DENND5B: variants seen among roughly 807,000 people sequenced by gnomAD.
DENND5B encodes DENN domain containing 5B.
Under a neutral mutation model 140.6 loss-of-function variants are expected in DENND5B, and 34 were observed. The observed-to-expected ratio is 0.24, with a 90% confidence interval of 0.18 to 0.32. DENND5B has a LOEUF of 0.32. Among genes scored for constraint, DENND5B ranks in the 10% least tolerant of loss-of-function variants. The pLI is 1.00. For synonymous variants in DENND5B, 551 were observed against 562.1 expected (o/e 0.98, Z 0.28); for missense variants, 1,142 against 1,560.2 (o/e 0.73, Z 4.52).
intron 1 of DENND5B, among the ~76,000 whole-genome samples, chr12:31,565,186 C>T (rs1339495871): frequency 6.6e-6 from 1 of 151,898 alleles, no homozygotes; most frequent in Non-Finnish European, 1.5e-5. Flanking sequence ...GCAGGTGGCT[C>T]ACTTGAGACC....
intron 3 of DENND5B, among the ~76,000 whole-genome samples, chr12:31,475,080 T>A (rs991989843): frequency 2.0e-5 from 3 of 152,170 alleles, no homozygotes; most frequent in Admixed American, 2.0e-4. Flanking sequence ...TTGGGCAGAT[T>A]ACTTAGTTTC....
intron 13 of DENND5B, among the ~76,000 whole-genome samples, chr12:31,412,168 G>A (rs919072091): frequency 2.6e-5 from 4 of 151,972 alleles, no homozygotes; most frequent in East Asian, 3.9e-4. Flanking sequence ...GGCTGGTCTC[G>A]AACTCCTGAC....
At chr12:31,460,655 T>C (rs950691439) in intron 3 of DENND5B, among the ~76,000 whole-genome samples, 2 of 152,190 alleles carry the variant, frequency 1.3e-5, no homozygotes, top group Non-Finnish European at 2.9e-5. Flanking sequence ...TCTCTTAAAG[T>C]GTGGAGGAAT....
At chr12:31,546,098 T>C (rs1244287315) in intron 1 of DENND5B, among the ~76,000 whole-genome samples, 1 of 152,134 alleles carries the variant, frequency 6.6e-6, no homozygotes, top group Non-Finnish European at 1.5e-5. Context: ...CTTTGCTTTC[T>C]AGTTTTAATA....
intron 2 of DENND5B, among the ~76,000 whole-genome samples, chr12:31,485,152 C>T (rs1057374507): frequency 4.6e-5 from 7 of 152,302 alleles, no homozygotes; most frequent in Admixed American, 3.9e-4. Context: ...AAGCCTGCAG[C>T]GGGCACTGGT....
At position 31,548,787 on chromosome 12, in the gene DENND5B, C is replaced by G. The variant is rs2139223682; in HGVS notation, c.127+41919G>C. On this transcript the variant is annotated intron_variant, in intron 1 of 20. Transcript: ENST00000389082. The stretch of plus-strand genomic sequence containing the variant: ...AATTAATTAATGGCTATGTATTTTT[C>G]TAAGGTCAGAACTACAGTCCCCATA... 2.0e-5 allele frequency among the ~76,000 whole-genome samples: 3 copies of G among 152,232 alleles called. No individual in the cohort carries two copies. The South Asian group carries it at 6.2e-4, about 32-fold the overall frequency.
At chr12:31,499,190 C>T (rs1007515692) in intron 1 of DENND5B, among the ~76,000 whole-genome samples, 1 of 151,954 alleles carries the variant, frequency 6.6e-6, no homozygotes, top group African/African-American at 2.4e-5. Context: ...TTTGGATTCC[C>T]AGGAAATGAA....
chr12:31,570,663 G>A (rs146812720), intron 1 of DENND5B, among the ~76,000 whole-genome samples: 3 of 149,178 alleles, frequency 2.0e-5, no homozygotes, highest in African/African-American at 7.4e-5. Flanking sequence ...AATTTTTTTT[G>A]GCACTGTCAT....
intron 8 of DENND5B, among the ~76,000 whole-genome samples, chr12:31,426,910 G>C (rs1485343953): frequency 6.6e-6 from 1 of 152,094 alleles, no homozygotes; most frequent in African/African-American, 2.4e-5. Flanking sequence ...CTATAATCAA[G>C]TCACAACAGT....
At chr12:31,571,791 T>C (rs1949832063) in intron 1 of DENND5B, among the ~76,000 whole-genome samples, 1 of 152,166 alleles carries the variant, frequency 6.6e-6, no homozygotes. Flanking sequence ...GTATTTTTAG[T>C]AGAGACAGGG....
At chr12:31,433,829 G>A (rs1334377359) in intron 7 of DENND5B, among the ~76,000 whole-genome samples, 4 of 102,234 alleles carry the variant, frequency 3.9e-5, no homozygotes, top group Admixed American at 1.3e-4. Flanking sequence ...GACCAGCCTA[G>A]GCAACATAGT....
chr12:31,540,445 A>G lies in DENND5B; in HGVS notation c.128-44526T>C, dbSNP rs546751996. ...AAGGTGGGCAGATCACTTGAGGCCAAGAGTTCCAGACCAGCCTGGCCAACA... is the reference window on the plus strand; with the variant it reads ...AAGGTGGGCAGATCACTTGAGGCCAGGAGTTCCAGACCAGCCTGGCCAACA... On this transcript the variant is annotated intron_variant, in intron 1 of 20. Transcript: ENST00000389082. 2.0e-5 allele frequency among the ~76,000 whole-genome samples: 3 copies of G among 152,212 alleles called. No individual in the cohort carries two copies. The East Asian group carries it at 5.8e-4, about 29-fold the overall frequency.
At chr12:31,431,315 G>A (rs1237551690) in intron 8 of DENND5B, among the ~76,000 whole-genome samples, 4 of 152,300 alleles carry the variant, frequency 2.6e-5, no homozygotes, top group African/African-American at 9.6e-5. Context: ...TTGTAAAATA[G>A]ATTTAAGCTA....
rs116298747 is a variant in DENND5B at position 31,482,886 on chromosome 12, T to C, written c.238-2631A>G. Among the ~76,000 whole-genome samples the C allele has an allele frequency of 9.6e-3, 1,458 of 152,298 alleles. 26 individuals carry two copies. Among genetic ancestry groups the C allele is most frequent in the African/African-American group, 0.033 (1,380 of 41,558 alleles). On this transcript the variant is annotated intron_variant, in intron 2 of 20. Transcript: ENST00000389082. ...TGTCACTCTTGCCAAAATTCTCCAATGGACTCTTATCTCACTAAAAGCTGA... is the reference window on the plus strand; with the variant it reads ...TGTCACTCTTGCCAAAATTCTCCAACGGACTCTTATCTCACTAAAAGCTGA...
chr12:31,544,640 A>T (rs1163989128), intron 1 of DENND5B, among the ~76,000 whole-genome samples: 1 of 142,092 alleles, frequency 7.0e-6, no homozygotes, highest in East Asian at 2.2e-4. Flanking sequence ...ACAATGAAAT[A>T]AAAAGGAAAA....
intron 1 of DENND5B, among the ~76,000 whole-genome samples, chr12:31,504,479 G>A (rs1319531725): frequency 1.3e-5 from 2 of 152,148 alleles, no homozygotes; most frequent in African/African-American, 4.8e-5. Context: ...CAAAGTTACT[G>A]GTAGAGATTT....
intron 1 of DENND5B, among the ~76,000 whole-genome samples, chr12:31,523,930 C>G (rs1297158970): frequency 6.6e-6 from 1 of 151,260 alleles, no homozygotes; most frequent in African/African-American, 2.5e-5. Flanking sequence ...TTGTTCATCA[C>G]TAAAGTGGTA....
chr12:31,453,898 T>C (rs1944653634), intron 4 of DENND5B, among the ~76,000 whole-genome samples: 1 of 152,018 alleles, frequency 6.6e-6, no homozygotes, highest in African/African-American at 2.4e-5. Context: ...TTCCAGCACT[T>C]TGGGAGGCTG....
chr12:31,559,233 C>G (rs182889493), intron 1 of DENND5B, among the ~76,000 whole-genome samples: 13 of 152,236 alleles, frequency 8.5e-5, no homozygotes, highest in African/African-American at 2.9e-4. Flanking sequence ...ATTAAGCTAC[C>G]CTCCCTAAGT....
Sources: gnomAD v4.1 joint callset for allele counts (sites outside exome capture counted in the v4.1 genomes callset) on GRCh38, gnomAD v4.1.1 for gene constraint, MANE v1.5 for transcripts, NCBI Gene and HGNC (gene_info 2026-07-23, HGNC 2026-07-21) for gene names.